The following FNIP1 variants were observed in gnomAD, a reference collection of about 807,000 sequenced individuals.
FNIP1 encodes folliculin-interacting protein 1.
A neutral mutation model predicts 124.5 loss-of-function variants in FNIP1; 40 were observed. That is an observed-to-expected ratio of 0.32 (90% CI 0.25 to 0.42). The LOEUF (loss-of-function observed/expected upper bound fraction) is 0.42, where lower values mean the gene tolerates loss of function less well. FNIP1 is among the 10% of genes least tolerant of loss of function. The pLI, the probability that FNIP1 is intolerant of heterozygous loss-of-function variation, is 1.00. For missense variants in FNIP1, 1,176 were observed against 1,403.7 expected, an observed-to-expected ratio of 0.84 and a Z score of 2.59; for synonymous variants, 472 against 470.6, an observed-to-expected ratio of 1.00 and a Z score of -0.04.
At chr5:131,646,614 C>T (rs995533864) in intron 17 of FNIP1, among the ~76,000 whole-genome samples, 2 of 152,126 alleles carry the variant, frequency 1.3e-5, no homozygotes, top group Non-Finnish European at 2.9e-5. Context: ...CCCATTCCTC[C>T]TTCAGTAAGC....
intron 13 of FNIP1, among the ~76,000 whole-genome samples, chr5:131,675,913 G>GC (rs1248213543): frequency 3.9e-5 from 6 of 152,180 alleles, no homozygotes; most frequent in African/African-American, 1.4e-4. Context: ...AGGCTACGGT[G>GC]CAGTGGCATG....
intron 1 of FNIP1, among the ~76,000 whole-genome samples, chr5:131,760,052 A>C (rs1179843462): frequency 6.6e-6 from 1 of 152,222 alleles, no homozygotes; most frequent in Non-Finnish European, 1.5e-5. Context: ...ATACACTGAC[A>C]TAAACATGGG....
Position 131,671,661 on chromosome 5 carries a change from C to T in FNIP1, c.2783G>A (p.Gly928Glu). 4.3e-6 allele frequency: 7 copies of T among 1,614,130 alleles called. No individual in the cohort carries two copies. The highest frequency in any genetic ancestry group is 1.1e-5 in the South Asian group (1 of 91,078). ...ATTTCTTGGAATGTCCCATTCAGTT[C>T]CTACAGCAATTTTTTTATCTGAACT... is the stretch of plus-strand genomic sequence containing the variant. Reference protein sequence around the residue: ...KESSDKKIAVGTEWDIPRNES... With the variant: ...KESSDKKIAVETEWDIPRNES... Residue 928 changes from glycine (G) to glutamate (E), a missense_variant, in exon 14 of 18, where the codon GGA becomes GAA. This residue lies in a region of FNIP1 where 1,109 missense variants were observed against 1,288.5 expected (regional missense o/e 0.86). Transcript: ENST00000510461.
intron 2 of FNIP1, among the ~76,000 whole-genome samples, chr5:131,733,042 C>T (rs1477244156): frequency 2.6e-5 from 4 of 152,128 alleles, no homozygotes; most frequent in African/African-American, 9.7e-5. Context: ...AGAGGTCCTT[C>T]ACATCCCTTG....
intron 1 of FNIP1, among the ~76,000 whole-genome samples, chr5:131,751,571 G>GAAA (rs547210498): frequency 1.6e-5 from 2 of 126,828 alleles, no homozygotes; most frequent in African/African-American, 2.9e-5. Context: ...TCCACAATCT[G>GAAA]AAAAAAAAAA....
At chr5:131,769,509 C>A (rs149735940) in intron 1 of FNIP1, among the ~76,000 whole-genome samples, 98 of 152,276 alleles carry the variant, frequency 6.4e-4, no homozygotes, top group Middle Eastern at 3.4e-3. Flanking sequence ...TCCAGTCATG[C>A]ACAACTGTCA....
chr5:131,746,687 C>A (rs1235447480), intron 1 of FNIP1, among the ~76,000 whole-genome samples: 1 of 152,156 alleles, frequency 6.6e-6, no homozygotes, highest in African/African-American at 2.4e-5. Context: ...TGATGGGACC[C>A]TCCCTAGGTT....
At chr5:131,645,350 T>C (rs147263810) in intron 17 of FNIP1, among the ~76,000 whole-genome samples, 1 of 150,506 alleles carries the variant, frequency 6.6e-6, no homozygotes, top group African/African-American at 2.4e-5. Context: ...TGTACCCAGA[T>C]TGTTTTGGAT....
At chr5:131,705,229 G>T (rs529581510) in intron 9 of FNIP1, among the ~76,000 whole-genome samples, 1 of 151,990 alleles carries the variant, frequency 6.6e-6, no homozygotes, top group Non-Finnish European at 1.5e-5. Flanking sequence ...CTAGCACTTT[G>T]GGAGGCTGAG....
chr5:131,690,441 C>T (rs771797984), intron 11 of FNIP1, among the ~76,000 whole-genome samples: 37 of 152,130 alleles, frequency 2.4e-4, no homozygotes, highest in Admixed American at 9.2e-4. Context: ...ATCACGGAGG[C>T]GGTTTCCCCC....
At chr5:131,687,645 C>A (rs1029538083) in intron 11 of FNIP1, among the ~76,000 whole-genome samples, 15 of 152,032 alleles carry the variant, frequency 9.9e-5, no homozygotes, top group Admixed American at 9.2e-4. Context: ...ACTCTGAAAA[C>A]TGAAAAAATG....
At chr5:131,678,264 CA>C (rs1454722210) in intron 12 of FNIP1, among the ~76,000 whole-genome samples, 1 of 152,162 alleles carries the variant, frequency 6.6e-6, no homozygotes, top group African/African-American at 2.4e-5. Flanking sequence ...AAGTATTAAG[CA>C]AACTCTGTCT....
intron 2 of FNIP1, among the ~76,000 whole-genome samples, chr5:131,731,349 A>G (rs1770085732): frequency 6.6e-6 from 1 of 152,090 alleles, no homozygotes; most frequent in Admixed American, 6.6e-5. Flanking sequence ...TTTTCAAATT[A>G]TTTGGTCTCA....
chr5:131,750,668 A>C (rs1412859360), intron 1 of FNIP1, among the ~76,000 whole-genome samples: 1 of 149,630 alleles, frequency 6.7e-6, no homozygotes. Flanking sequence ...GCTGGGGTGC[A>C]GTAGCATGAT....
At chr5:131,661,583 T>C (rs1767438581) in intron 15 of FNIP1, among the ~76,000 whole-genome samples, 1 of 152,190 alleles carries the variant, frequency 6.6e-6, no homozygotes, top group East Asian at 1.9e-4. Context: ...GAATGTTAAT[T>C]TGATGGTCTC....
chr5:131,749,333 C>T (rs1485251254), intron 1 of FNIP1, among the ~76,000 whole-genome samples: 1 of 151,752 alleles, frequency 6.6e-6, no homozygotes, highest in Admixed American at 6.6e-5. Flanking sequence ...CTTCCAGTCT[C>T]GCAAAATCCA....
At chr5:131,777,456 G>GA (rs772993505) in intron 1 of FNIP1, among the ~76,000 whole-genome samples, 1 of 151,438 alleles carries the variant, frequency 6.6e-6, no homozygotes, top group South Asian at 2.1e-4. Context: ...CACGGTGCCC[G>GA]AAAAAAACTA....
chr5:131,749,106 T>C (rs1277401608), intron 1 of FNIP1, among the ~76,000 whole-genome samples: 1 of 152,192 alleles, frequency 6.6e-6, no homozygotes, highest in Non-Finnish European at 1.5e-5. Context: ...AAACAAAGTG[T>C]TACTACACAA....
At chr5:131,715,481 A>G (rs924234805) in intron 6 of FNIP1, among the ~76,000 whole-genome samples, 1 of 152,178 alleles carries the variant, frequency 6.6e-6, no homozygotes, top group Admixed American at 6.5e-5. Flanking sequence ...GTGAGATTCC[A>G]TATCAAAAAA....
Sources: gnomAD v4.1 joint callset for allele counts (sites outside exome capture counted in the v4.1 genomes callset) on GRCh38, gnomAD v4.1.1 for gene constraint, gnomAD v4.1.1 regional missense constraint, MANE v1.5 for transcripts, NCBI Gene and HGNC (gene_info 2026-07-23, HGNC 2026-07-21) for gene names.